The following PRKAR1A variants were observed in gnomAD, a reference collection of about 807,000 sequenced individuals.
PRKAR1A encodes the protein cAMP-dependent protein kinase type I-alpha regulatory subunit.
PRKAR1A carries 3 observed loss-of-function variants against 52.0 expected under a neutral mutation model. The ratio of observed to expected loss-of-function variants is 0.06; its 90% confidence interval spans 0.03 to 0.15. PRKAR1A has a LOEUF of 0.15. PRKAR1A is among the 10% of genes least tolerant of loss of function. The probability of loss-of-function intolerance (pLI) is 1.00; values close to 1 mark genes in which losing one functional copy is unlikely to be tolerated. For missense variants in PRKAR1A, 240 were observed against 477.4 expected, an observed-to-expected ratio of 0.50 and a Z score of 4.63; for synonymous variants, 188 against 168.4, an observed-to-expected ratio of 1.12 and a Z score of -0.90.
At chr17:68,464,698 A>C in the PRKAR1A span, among the ~76,000 whole-genome samples, 10 of 32,776 alleles carry the variant, frequency 3.1e-4, no homozygotes, top group African/African-American at 7.7e-4. Context: ...AAAAAAAAAA[A>C]CAAAAAAAAC....
chr17:68,452,843 G>T, the PRKAR1A span: 1 of 1,459,596 alleles, frequency 6.9e-7, no homozygotes, highest in South Asian at 1.1e-5. Flanking sequence ...TAGCACCGCA[G>T]ATTAAAGCCT....
intron 1 of PRKAR1A, among the ~76,000 whole-genome samples, chr17:68,514,547 A>G (rs181112281): frequency 1.6e-3 from 251 of 152,364 alleles, no homozygotes; most frequent in Non-Finnish European, 2.8e-3. Context: ...TCTAAAATCC[A>G]TTAAATGCAA....
At chr17:68,486,505 CCTTCTT>C in the PRKAR1A span, among the ~76,000 whole-genome samples, 8 of 39,214 alleles carry the variant, frequency 2.0e-4, 1 homozygote, top group South Asian at 2.9e-3. Flanking sequence ...TTCCTTCCTT[CCTTCTT>C]TCTTTCTTTC....
At chr17:68,438,663 C>T in the PRKAR1A span, among the ~76,000 whole-genome samples, 1 of 152,216 alleles carries the variant, frequency 6.6e-6, no homozygotes, top group African/African-American at 2.4e-5. Flanking sequence ...TGCAGTGGTG[C>T]GATCTTGGCT....
At chr17:68,426,051 C>A in the PRKAR1A span, 1 of 1,604,520 alleles carries the variant, frequency 6.2e-7, no homozygotes, top group African/African-American at 1.3e-5. Context: ...CTGAGCCGCC[C>A]AGTTACGGGT....
rs398041821 is a variant in PRKAR1A at position 68,531,025 on chromosome 17, G to GTTT, written c.*585_*587dup. The stretch of plus-strand genomic sequence containing the variant: ...TTATCAATGGGATATGATTGGTTCA[G>GTTT]TTTTTTTTTTTCCAGAGTTGTTGTT... On this transcript the variant is annotated 3_prime_UTR_variant, in exon 11 of 11. Transcript: ENST00000589228. The GTTT allele has an allele frequency of 2.5e-5, 25 of 1,003,912 alleles. No individual in the cohort carries two copies. The highest frequency in any genetic ancestry group is 1.6e-4 in the East Asian group (3 of 19,100). The allele number at this position is 1,003,912 out of a possible 1,614,324, so 62.2% of individuals were successfully genotyped here.
At chr17:68,527,990 A>G (rs933017600) in intron 8 of PRKAR1A, 90 bp downstream of exon 8, 7 of 1,126,614 alleles carry the variant, frequency 6.2e-6, no homozygotes, top group Admixed American at 5.2e-5. Flanking sequence ...CTGAAAGTAT[A>G]ATTGCTACTC....
At chr17:68,516,331 A>G (rs1410718342) in intron 2 of PRKAR1A, among the ~76,000 whole-genome samples, 2 of 152,166 alleles carry the variant, frequency 1.3e-5, no homozygotes, top group East Asian at 3.8e-4. Flanking sequence ...CGATGAATGA[A>G]AAAGTCTGGG....
chr17:68,426,019 G>GAA, the PRKAR1A span: 1 of 1,437,518 alleles, frequency 7.0e-7, no homozygotes, highest in Non-Finnish European at 9.8e-7. Flanking sequence ...ATGAGGCGAA[G>GAA]GTTTCCTTCT....
rs2085769815 is a variant in PRKAR1A at position 68,525,749 on chromosome 17, T to C, written c.550-5T>C. ...TAAACTTTTTTGATGTCACTTGCACTTTAGGTCTATGTTAACAATGAATGG... is the reference window on the plus strand; with the variant it reads ...TAAACTTTTTTGATGTCACTTGCACCTTAGGTCTATGTTAACAATGAATGG... On this transcript the variant is annotated splice_polypyrimidine_tract_variant and splice_region_variant and intron_variant, in intron 6 of 10. Coordinates refer to ENST00000589228, the MANE Select transcript of PRKAR1A (RefSeq NM_002734.5). 1.2e-6 allele frequency: 2 copies of C among 1,613,756 alleles called. No individual in the cohort carries two copies. The highest frequency in any genetic ancestry group is 1.6e-4 in the Middle Eastern group (1 of 6,080).
Position 68,525,814 on chromosome 17 carries a change from G to A in PRKAR1A, c.610G>A (p.Ala204Thr). The change falls in exon 7 of 11, where the codon GCT (alanine) becomes ACT (threonine). Residue 204 changes from alanine to threonine, a missense_variant. By Grantham distance (58) the Ala-to-Thr change is moderately conservative (BLOSUM62 0). Around this residue, in one of 4 missense-constraint regions of PRKAR1A, gnomAD observed 107 missense variants for 290.9 expected, o/e 0.37. Transcript: ENST00000589228. ...GGAAGGAGGGAGCTTTGGAGAACTT[G>A]CTTTGATTTATGGAACACCGAGAGC... ...VGEGGSFGELALIYGTPRAAT... is the reference protein window; with the variant it reads ...VGEGGSFGELTLIYGTPRAAT... 1 of 1,613,826 alleles carries A rather than the reference G, an allele frequency of 6.2e-7. No homozygotes were observed. The highest frequency in any genetic ancestry group is 8.5e-7 in the Non-Finnish European group (1 of 1,179,904).
chr17:68,481,101 TTTTG>T, the PRKAR1A span, among the ~76,000 whole-genome samples: 1 of 152,194 alleles, frequency 6.6e-6, no homozygotes, highest in Non-Finnish European at 1.5e-5. Context: ...TCAGTGCCAT[TTTTG>T]TTTGTGCTTT....
intron 11 of PRKAR1A, among the ~76,000 whole-genome samples, chr17:68,546,014 A>G (rs939933086): frequency 2.0e-5 from 3 of 151,850 alleles, no homozygotes; most frequent in Non-Finnish European, 4.4e-5. Flanking sequence ...CTAAAAATAC[A>G]AAAAATTAGC....
rs1031270550 is a variant in PRKAR1A at position 68,530,796 on chromosome 17, ATT to A, written c.*356_*357del. On this transcript the variant is annotated 3_prime_UTR_variant, in exon 11 of 11. Transcript: ENST00000589228. ...TAGAGTAATGATGTAACAGTGCAAG[ATT>A]TTTTTTTTAAGTGACATAATTGTCC... is the stretch of plus-strand genomic sequence containing the variant. The A allele has an allele frequency of 1.7e-6, 2 of 1,197,360 alleles. No individual in the cohort carries two copies. The highest frequency in any genetic ancestry group is 1.9e-5 in the South Asian group (1 of 51,368). 74.2% of individuals were successfully genotyped at this position (1,197,360 alleles called of 1,614,324 possible). A position where few individuals can be genotyped will look rare whatever the true frequency, so the allele number is the denominator to read the frequency against.
At chr17:68,541,080 A>G in intron 11 of PRKAR1A, 1 of 1,464,564 alleles carries the variant, frequency 6.8e-7, no homozygotes, top group East Asian at 2.5e-5. Context: ...GGCTGGTGGC[A>G]GCTTCTAAAA....
chr17:68,540,762 G>A (rs553992971), intron 11 of PRKAR1A: 16 of 1,499,518 alleles, frequency 1.1e-5, no homozygotes, highest in Non-Finnish European at 1.4e-5. Flanking sequence ...TCATGAACCA[G>A]GTTGTAAGTT....
At chr17:68,420,314 G>C in the PRKAR1A span, 14 of 1,614,126 alleles carry the variant, frequency 8.7e-6, no homozygotes, top group Middle Eastern at 3.3e-4. Flanking sequence ...GGAGTACCAG[G>C]CTGTGCTGCC....
the PRKAR1A span, among the ~76,000 whole-genome samples, chr17:68,437,547 G>A: frequency 6.0e-5 from 9 of 150,174 alleles, no homozygotes; most frequent in Non-Finnish European, 1.2e-4. Flanking sequence ...GTGAGGTTCT[G>A]TCTTAAGAAA....
At chr17:68,443,495 T>C in the PRKAR1A span, among the ~76,000 whole-genome samples, 1 of 152,206 alleles carries the variant, frequency 6.6e-6, no homozygotes. Flanking sequence ...ATTTATAGAA[T>C]TGGAATGAAG....
Sources: allele counts gnomAD v4.1 joint callset (sites outside exome capture counted in the v4.1 genomes callset), GRCh38; gene constraint gnomAD v4.1.1; regional missense constraint gnomAD v4.1.1; transcripts MANE v1.5; gene names NCBI Gene and HGNC (gene_info 2026-07-23, HGNC 2026-07-21).